ZEB1: variants seen among roughly 807,000 people sequenced by gnomAD.
ZEB1 encodes the protein zinc finger E-box-binding homeobox 1.
ZEB1 carries 21 observed loss-of-function variants against 84.9 expected under a neutral mutation model. The ratio of observed to expected loss-of-function variants is 0.25; its 90% CI spans 0.18 to 0.36. ZEB1 has a LOEUF of 0.36. ZEB1 is among the 10% of genes least tolerant of loss of function. ZEB1 has a pLI of 1.00. For synonymous variants in ZEB1, 420 were observed against 471.1 expected, an observed-to-expected ratio of 0.89 and a Z score of 1.41; for missense variants, 1,104 against 1,330.2, an observed-to-expected ratio of 0.83 and a Z score of 2.65.
chr10:31,521,401 T>C lies in ZEB1; in HGVS notation c.2069T>C (p.Leu690Ser), dbSNP rs1244619463. Residue 690 changes from leucine (L) to serine (S), a missense_variant, in exon 7 of 9, where the codon TTA becomes TCA. Leu to Ser is a moderately radical substitution (Grantham distance 145). Around this residue, in one of 7 missense-constraint regions of ZEB1, gnomAD observed 531 missense variants for 575.2 expected, o/e 0.92. Coordinates refer to ENST00000424869, the MANE Select transcript of ZEB1 (RefSeq NM_001174096.2). Reference protein sequence around the residue: ...SPLKMTNSPVLPVGSTTNGSR... With the variant: ...SPLKMTNSPVSPVGSTTNGSR... ...TTGAAGATGACTAACTCCCCAGTTT[T>C]ACCAGTGGGATCAACCACCAATGGT... The C allele has an allele frequency of 4.3e-6, 7 of 1,614,000 alleles. No individual in the cohort carries two copies. The highest frequency in any genetic ancestry group is 5.9e-6 in the Non-Finnish European group (7 of 1,180,014).
At chr10:31,474,787 A>G (rs544969937) in intron 2 of ZEB1, among the ~76,000 whole-genome samples, 2 of 152,100 alleles carry the variant, frequency 1.3e-5, no homozygotes, top group Non-Finnish European at 1.5e-5. Context: ...CACTATTCAC[A>G]ATAGCAAAGA....
chr10:31,407,668 A>T (rs1375296316), intron 1 of ZEB1, among the ~76,000 whole-genome samples: 4 of 152,192 alleles, frequency 2.6e-5, no homozygotes. Flanking sequence ...ATAGATGCAG[A>T]AAAGGCCTTT....
At chr10:31,419,604 T>G (rs1362070321) in intron 1 of ZEB1, among the ~76,000 whole-genome samples, 1 of 152,128 alleles carries the variant, frequency 6.6e-6, no homozygotes, top group Non-Finnish European at 1.5e-5. Flanking sequence ...GATCACTGCC[T>G]CTGTTGTAAC....
chr10:31,402,868 T>C (rs541528646), intron 1 of ZEB1, among the ~76,000 whole-genome samples: 1 of 152,206 alleles, frequency 6.6e-6, no homozygotes, highest in East Asian at 1.9e-4. Flanking sequence ...CAGATCAAAA[T>C]TGGGAGCAAG....
At chr10:31,410,332 A>G (rs1248007974) in intron 1 of ZEB1, among the ~76,000 whole-genome samples, 3 of 152,052 alleles carry the variant, frequency 2.0e-5, no homozygotes, top group Non-Finnish European at 4.4e-5. Context: ...CATGTGTTGC[A>G]GCTTCATCCC....
intron 1 of ZEB1, among the ~76,000 whole-genome samples, chr10:31,388,120 C>T (rs1361788966): frequency 6.6e-6 from 1 of 152,128 alleles, no homozygotes; most frequent in Non-Finnish European, 1.5e-5. Flanking sequence ...AGAGCAGAAG[C>T]ATGCTGATTT....
intron 1 of ZEB1, among the ~76,000 whole-genome samples, chr10:31,397,731 A>G (rs937723749): frequency 6.6e-6 from 1 of 152,216 alleles, no homozygotes; most frequent in Non-Finnish European, 1.5e-5. Context: ...AAAGGATTGT[A>G]AGGGATTAGG....
chr10:31,337,043 CAA>C (rs922906916), intron 1 of ZEB1, among the ~76,000 whole-genome samples: 5 of 151,292 alleles, frequency 3.3e-5, no homozygotes, highest in Non-Finnish European at 5.9e-5. Context: ...AATAACAAAA[CAA>C]AAAAATAAAT....
intron 1 of ZEB1, among the ~76,000 whole-genome samples, chr10:31,347,845 C>A (rs1334559564): frequency 6.6e-6 from 1 of 152,026 alleles, no homozygotes; most frequent in African/African-American, 2.4e-5. Flanking sequence ...CCTTTTAAGC[C>A]TCACAGTAAA....
At chr10:31,372,162 T>G (rs1242635275) in intron 1 of ZEB1, among the ~76,000 whole-genome samples, 1 of 152,086 alleles carries the variant, frequency 6.6e-6, no homozygotes, top group African/African-American at 2.4e-5. Flanking sequence ...TCAGAAACAT[T>G]TTTTAAGGAA....
chr10:31,362,756 T>C lies in ZEB1; in HGVS notation c.58+43464T>C. On this transcript the variant is annotated intron_variant, in intron 1 of 8. Coordinates refer to ENST00000424869, the MANE Select transcript of ZEB1 (RefSeq NM_001174096.2). ...GAGATGCTCCTCAGGTCTCAATCTC[T>C]TGATCTCCTGATCCGCCCGCCTGGG... is the stretch of plus-strand genomic sequence containing the variant. 6.6e-6 allele frequency: 4 copies of C among 610,676 alleles called. No individual in the cohort carries two copies. In the South Asian group the frequency reaches 6.9e-5, roughly 10 times the overall value. 37.8% of individuals were successfully genotyped at this position (610,676 alleles called of 1,614,324 possible).
intron 1 of ZEB1, among the ~76,000 whole-genome samples, chr10:31,384,364 T>C (rs2048263158): frequency 6.6e-6 from 1 of 152,180 alleles, no homozygotes; most frequent in Non-Finnish European, 1.5e-5. Context: ...AATTTCTATA[T>C]TGGTTTAGAA....
chr10:31,363,157 T>A (rs1258818727), intron 1 of ZEB1: 2 of 1,533,750 alleles, frequency 1.3e-6, no homozygotes, highest in Non-Finnish European at 1.7e-6. Context: ...GGGCTGCATG[T>A]CCTCCCCCAC....
At chr10:31,417,103 A>G (rs1181116979) in intron 1 of ZEB1, among the ~76,000 whole-genome samples, 1 of 152,122 alleles carries the variant, frequency 6.6e-6, no homozygotes, top group African/African-American at 2.4e-5. Flanking sequence ...ATTTATTTAA[A>G]CAATATTTGT....
In ZEB1 at chr10:31,373,316, T is replaced by A. The variant is rs1025816681; in HGVS notation, c.58+54024T>A. ...TTGAATTTTATATGTCTGTCACTTA[T>A]ATTTTAATAAAATATATGCAAAGAA... On this transcript the variant is annotated intron_variant, in intron 1 of 8. Transcript: ENST00000424869. The A allele has an allele frequency of 6.4e-6, 5 of 785,356 alleles. No individual in the cohort carries two copies. The African/African-American group carries it at 9.5e-5, about 15-fold the overall frequency. The allele number at this position is 785,356 out of a possible 1,614,324, so 48.6% of individuals were successfully genotyped here.
chr10:31,373,076 C>T (rs1197147038), intron 1 of ZEB1: 3 of 985,280 alleles, frequency 3.0e-6, no homozygotes, highest in African/African-American at 1.7e-5. Flanking sequence ...AAGACATGAT[C>T]ATCCAAATGT....
chr10:31,339,918 T>G (rs1000133930), intron 1 of ZEB1, among the ~76,000 whole-genome samples: 1 of 152,138 alleles, frequency 6.6e-6, no homozygotes, highest in African/African-American at 2.4e-5. Context: ...ATTTCTCTAC[T>G]AGGGAGAGGA....
In ZEB1 at chr10:31,389,859, G is replaced by A. The variant is rs918211651; in HGVS notation, c.58+70567G>A. Among the ~76,000 whole-genome samples, 8 of 152,122 alleles carry A rather than the reference G, an allele frequency of 5.3e-5. No homozygotes were observed. The South Asian group carries it at 1.7e-3, about 32-fold the overall frequency. On this transcript the variant is annotated intron_variant, in intron 1 of 8. Transcript: ENST00000424869. ...TTTTCATACTCAGCATTCAAAATCT[G>A]TGTATTTTATACTCACAGCACATCT... is the stretch of plus-strand genomic sequence containing the variant.
chr10:31,319,178 G>C, upstream of ZEB1: 1 of 1,113,676 alleles, frequency 9.0e-7, no homozygotes, highest in Non-Finnish European at 1.2e-6. Context: ...GGGTGGGGGG[G>C]AAGGGGGAGG....
Sources: allele counts gnomAD v4.1 joint callset (sites outside exome capture counted in the v4.1 genomes callset), GRCh38; gene constraint gnomAD v4.1.1; regional missense constraint gnomAD v4.1.1; transcripts MANE v1.5; gene names NCBI Gene and HGNC (gene_info 2026-07-23, HGNC 2026-07-21).